ITFG1: variants seen among roughly 807,000 people sequenced by gnomAD.
ITFG1 encodes the protein T-cell immunomodulatory protein.
ITFG1 carries 34 observed loss-of-function variants against 81.8 expected under a neutral mutation model. That is an observed-to-expected ratio of 0.42 (90% CI 0.32 to 0.55). The LOEUF (loss-of-function observed/expected upper bound fraction) is 0.55. Ranked by LOEUF, ITFG1 falls within the 20% of genes least tolerant of loss-of-function variation. ITFG1 has a pLI of 0.17. For synonymous variants in ITFG1, 285 were observed against 270.6 expected (o/e 1.05, Z -0.52); for missense variants, 672 against 755.4 (o/e 0.89, Z 1.29).
intron 8 of ITFG1, among the ~76,000 whole-genome samples, chr16:47,344,478 T>C (rs1967825020): frequency 1.3e-5 from 2 of 152,210 alleles, no homozygotes; most frequent in Admixed American, 1.3e-4. Context: ...TGGAAGACTT[T>C]TATGATATGT....
intron 6 of ITFG1, among the ~76,000 whole-genome samples, chr16:47,384,487 G>A (rs190435803): frequency 6.6e-6 from 1 of 152,002 alleles, no homozygotes; most frequent in Non-Finnish European, 1.5e-5. Flanking sequence ...AATAACCCTG[G>A]TCTTAATGAA....
At chr16:47,252,183 ATTTG>A (rs1966084756) in intron 12 of ITFG1, among the ~76,000 whole-genome samples, 1 of 152,220 alleles carries the variant, frequency 6.6e-6, no homozygotes, top group South Asian at 2.1e-4. Context: ...GGCTGGTAAA[ATTTG>A]TTTATTACTG....
chr16:47,285,743 G>C (rs1966867168), intron 10 of ITFG1, among the ~76,000 whole-genome samples: 1 of 152,128 alleles, frequency 6.6e-6, no homozygotes, highest in South Asian at 2.1e-4. Context: ...AACATAGGCA[G>C]AGAGAGTTTT....
chr16:47,206,883 ACTCCTAAGTTTT>A (rs2151522664), intron 14 of ITFG1, among the ~76,000 whole-genome samples: 1 of 152,064 alleles, frequency 6.6e-6, no homozygotes, highest in South Asian at 2.1e-4. Context: ...CCACAACTCA[ACTCCTAAGTTTT>A]CTACCCAAGA....
chr16:47,207,868 C>G (rs1360692865), intron 14 of ITFG1, among the ~76,000 whole-genome samples: 1 of 150,770 alleles, frequency 6.6e-6, no homozygotes, highest in Non-Finnish European at 1.5e-5. Flanking sequence ...CTTACTCAGC[C>G]AAGAACTGTA....
At chr16:47,365,491 G>A (rs1335363900) in intron 8 of ITFG1, 6 of 274,510 alleles carry the variant, frequency 2.2e-5, no homozygotes, top group East Asian at 6.7e-5. Flanking sequence ...AAGAATTTAC[G>A]GTAATTAATA....
At chr16:47,366,699 C>G (rs147237054) in intron 7 of ITFG1, among the ~76,000 whole-genome samples, 36 of 152,282 alleles carry the variant, frequency 2.4e-4, no homozygotes, top group Non-Finnish European at 4.3e-4. Flanking sequence ...ACTGACCTCT[C>G]TATTTTCTGT....
intron 14 of ITFG1, among the ~76,000 whole-genome samples, chr16:47,185,722 A>G (rs1249112073): frequency 6.6e-6 from 1 of 152,236 alleles, no homozygotes; most frequent in Non-Finnish European, 1.5e-5. Flanking sequence ...GAGCAAACAC[A>G]TTCAAAAGCT....
At chr16:47,174,728 C>A (rs1596783985) in intron 14 of ITFG1, among the ~76,000 whole-genome samples, 1 of 152,172 alleles carries the variant, frequency 6.6e-6, no homozygotes, top group Non-Finnish European at 1.5e-5. Context: ...CCATGTTGGC[C>A]AGGCTGGTCT....
At chr16:47,156,313 C>A (rs1302263023) in intron 17 of ITFG1, among the ~76,000 whole-genome samples, 5 of 152,102 alleles carry the variant, frequency 3.3e-5, no homozygotes, top group African/African-American at 1.2e-4. Context: ...GTGGTGGGCA[C>A]CTGTAATCAC....
chr16:47,187,866 G>C (rs1965241916), intron 14 of ITFG1, among the ~76,000 whole-genome samples: 1 of 152,014 alleles, frequency 6.6e-6, no homozygotes, highest in Non-Finnish European at 1.5e-5. Flanking sequence ...CTACTCATCT[G>C]ACAAAGGGCT....
At chr16:47,269,717 G>C (rs1159972110) in intron 10 of ITFG1, among the ~76,000 whole-genome samples, 1 of 152,062 alleles carries the variant, frequency 6.6e-6, no homozygotes, top group African/African-American at 2.4e-5. Context: ...TTGACCTATA[G>C]TTTCATTGTA....
intron 8 of ITFG1, among the ~76,000 whole-genome samples, chr16:47,358,524 C>T (rs965632335): frequency 6.6e-6 from 1 of 152,134 alleles, no homozygotes; most frequent in Admixed American, 6.5e-5. Flanking sequence ...CTGAAACCAG[C>T]ACCCATGCAT....
At chr16:47,460,718 A>G in intron 1 of ITFG1, 120 bp downstream of exon 1, 3 of 1,096,912 alleles carry the variant, frequency 2.7e-6, no homozygotes, top group Non-Finnish European at 4.0e-6. Context: ...AGGGAAGGCC[A>G]CAGGGCTGGG....
At chr16:47,389,864 G>C (rs775856714) in intron 6 of ITFG1, among the ~76,000 whole-genome samples, 2 of 152,182 alleles carry the variant, frequency 1.3e-5, no homozygotes, top group East Asian at 3.8e-4. Flanking sequence ...AAGCAGTAAC[G>C]TAGGAGTAGA....
At position 47,423,479 on chromosome 16, in the gene ITFG1, T is replaced by C. The variant is rs142715923; in HGVS notation, c.655+5325A>G. Among the ~76,000 whole-genome samples, 808 of 152,312 alleles carry C rather than the reference T, an allele frequency of 5.3e-3. 7 individuals carry two copies. The highest frequency in any genetic ancestry group is 0.037 in the Middle Eastern group (11 of 294). On this transcript the variant is annotated intron_variant, in intron 6 of 17. Transcript: ENST00000320640. ...TCTGAATTTGATCCTGTCATTATGA[T>C]GCTCGCTGGTTATTTTGCCCGTTAA...
At chr16:47,370,042 G>C (rs758441937) in intron 7 of ITFG1, among the ~76,000 whole-genome samples, 1 of 151,742 alleles carries the variant, frequency 6.6e-6, no homozygotes, top group Non-Finnish European at 1.5e-5. Flanking sequence ...GGGTTTCACC[G>C]TGTTAACCAG....
At chr16:47,260,073 G>T (rs1966190351) in intron 11 of ITFG1, among the ~76,000 whole-genome samples, 1 of 151,916 alleles carries the variant, frequency 6.6e-6, no homozygotes, top group African/African-American at 2.4e-5. Flanking sequence ...CCAGCAGCTG[G>T]GACTACAGGC....
chr16:47,182,921 G>A (rs1305984188), intron 14 of ITFG1, among the ~76,000 whole-genome samples: 4 of 152,206 alleles, frequency 2.6e-5, no homozygotes, highest in Non-Finnish European at 2.9e-5. Context: ...CACACCGTGC[G>A]CGAGCGGAAG....
Sources: gnomAD v4.1 joint callset for allele counts (sites outside exome capture counted in the v4.1 genomes callset) on GRCh38, gnomAD v4.1.1 for gene constraint, MANE v1.5 for transcripts, NCBI Gene and HGNC (gene_info 2026-07-23, HGNC 2026-07-21) for gene names.